SUMF1: variants seen among roughly 807,000 people sequenced by gnomAD.
The protein encoded by SUMF1 is formylglycine-generating enzyme.
A neutral mutation model predicts 47.6 loss-of-function variants in SUMF1; 48 were observed. The ratio of observed to expected loss-of-function variants is 1.01; its 90% CI spans 0.80 to 1.28. SUMF1 has a LOEUF of 1.28. Among genes scored for constraint, SUMF1 ranks in the 50% most tolerant of loss-of-function variants. The probability of loss-of-function intolerance (pLI) is 0.00; values close to 1 mark genes in which losing one functional copy is unlikely to be tolerated. For missense variants in SUMF1, 571 were observed against 485.4 expected (o/e 1.18, Z -1.66); for synonymous variants, 230 against 192.1 (o/e 1.20, Z -1.63).
intron 8 of SUMF1, among the ~76,000 whole-genome samples, chr3:4,119,576 G>A (rs962763769): frequency 1.3e-5 from 2 of 152,086 alleles, no homozygotes; most frequent in African/African-American, 4.8e-5. Flanking sequence ...TTACTGAAAT[G>A]TCACATTGTC....
At chr3:4,148,361 T>C (rs1694242681) in intron 8 of SUMF1, among the ~76,000 whole-genome samples, 1 of 152,188 alleles carries the variant, frequency 6.6e-6, no homozygotes, top group Admixed American at 6.5e-5. Flanking sequence ...GTTCTTTGCT[T>C]CAGTTTAGTA....
intron 8 of SUMF1, among the ~76,000 whole-genome samples, chr3:4,251,654 A>G (rs751253225): frequency 5.9e-5 from 9 of 152,196 alleles, no homozygotes; most frequent in African/African-American, 9.7e-5. Flanking sequence ...CAGACAGTCA[A>G]TCCTTTGAAG....
intron 3 of SUMF1, 103 bp from the exon 4 acceptor site, chr3:4,420,249 T>G: frequency 1.2e-6 from 1 of 833,684 alleles, no homozygotes; most frequent in Non-Finnish European, 2.1e-6. Context: ...TCAACTTCCA[T>G]TTGGATTACC....
intron 8 of SUMF1, among the ~76,000 whole-genome samples, chr3:4,181,026 G>A (rs543827236): frequency 6.1e-4 from 93 of 152,208 alleles, no homozygotes; most frequent in Admixed American, 2.2e-3. Flanking sequence ...CAAGTAGCTG[G>A]AGTAAAAATG....
chr3:4,065,561 C>T (rs1308497863), intron 9 of SUMF1, among the ~76,000 whole-genome samples: 2 of 152,040 alleles, frequency 1.3e-5, no homozygotes, highest in African/African-American at 2.4e-5. Flanking sequence ...TTACGCTGAA[C>T]AAAGCATTCA....
intron 7 of SUMF1, among the ~76,000 whole-genome samples, chr3:4,376,703 C>T (rs1700340813): frequency 6.6e-6 from 1 of 152,234 alleles, no homozygotes; most frequent in African/African-American, 2.4e-5. Flanking sequence ...CTTGGCTGCA[C>T]CTCTTACCAT....
At chr3:4,094,136 T>C (rs116766778) in intron 8 of SUMF1, among the ~76,000 whole-genome samples, 1 of 152,132 alleles carries the variant, frequency 6.6e-6, no homozygotes, top group African/African-American at 2.4e-5. Flanking sequence ...TAGGTCATGA[T>C]GAAATGACCT....
chr3:4,052,227 C>T (rs1468891769), intron 9 of SUMF1, among the ~76,000 whole-genome samples: 1 of 152,140 alleles, frequency 6.6e-6, no homozygotes, highest in African/African-American at 2.4e-5. Flanking sequence ...AGGCAGCTCT[C>T]TTTGGTCTCT....
At chr3:4,264,301 G>A (rs1474151946) in intron 8 of SUMF1, among the ~76,000 whole-genome samples, 1 of 152,142 alleles carries the variant, frequency 6.6e-6, no homozygotes, top group East Asian at 1.9e-4. Context: ...CCAGAGCCTG[G>A]AGCTAATGAG....
chr3:4,199,208 G>A (rs1276161279), intron 8 of SUMF1, among the ~76,000 whole-genome samples: 1 of 152,020 alleles, frequency 6.6e-6, no homozygotes, highest in Non-Finnish European at 1.5e-5. Context: ...CTATAGTTCT[G>A]TCTTTTCCAG....
intron 9 of SUMF1, among the ~76,000 whole-genome samples, chr3:4,053,052 T>C (rs1039460518): frequency 6.6e-6 from 1 of 152,200 alleles, no homozygotes. Context: ...CATACCTTCC[T>C]CACTAAGCTT....
At chr3:4,297,185 T>G (rs558827365) in intron 8 of SUMF1, among the ~76,000 whole-genome samples, 1 of 151,542 alleles carries the variant, frequency 6.6e-6, no homozygotes, top group Non-Finnish European at 1.5e-5. Context: ...AGGAGATCAC[T>G]GTGTAATATA....
intron 8 of SUMF1, among the ~76,000 whole-genome samples, chr3:4,238,441 G>A (rs1399453486): frequency 2.0e-5 from 3 of 152,092 alleles, no homozygotes; most frequent in Non-Finnish European, 4.4e-5. Context: ...AGCATCTGTT[G>A]TTTCCTGACT....
chr3:4,446,008 T>C (rs1414875336), intron 3 of SUMF1, among the ~76,000 whole-genome samples: 1 of 152,236 alleles, frequency 6.6e-6, no homozygotes, highest in Non-Finnish European at 1.5e-5. Context: ...AACCAATTCA[T>C]TATCTTAAAA....
intron 8 of SUMF1, among the ~76,000 whole-genome samples, chr3:4,170,267 T>C (rs754356999): frequency 8.5e-5 from 13 of 152,256 alleles, no homozygotes; most frequent in Non-Finnish European, 1.9e-4. Flanking sequence ...AGTGGGAAAA[T>C]GATCTATATC....
At chr3:4,330,447 G>A (rs1041465264) in intron 8 of SUMF1, among the ~76,000 whole-genome samples, 10 of 152,318 alleles carry the variant, frequency 6.6e-5, no homozygotes, top group Non-Finnish European at 1.2e-4. Flanking sequence ...GACCATGCAC[G>A]TCTTACATGG....
intron 8 of SUMF1, chr3:4,317,384 T>A: frequency 1.5e-6 from 1 of 675,090 alleles, no homozygotes; most frequent in Non-Finnish European, 2.4e-6. Flanking sequence ...CGGACTTTAT[T>A]AAGAATGTAG....
chr3:4,212,217 A>C (rs1695815115), intron 8 of SUMF1, among the ~76,000 whole-genome samples: 1 of 152,086 alleles, frequency 6.6e-6, no homozygotes, highest in South Asian at 2.1e-4. Context: ...TCTGGGACAA[A>C]ACTTCCAGAG....
intron 3 of SUMF1, among the ~76,000 whole-genome samples, chr3:4,434,718 A>T (rs1252104042): frequency 6.6e-6 from 1 of 152,174 alleles, no homozygotes; most frequent in African/African-American, 2.4e-5. Context: ...TTGTGCTGGC[A>T]TGAAAAAAAT....
Sources: gnomAD v4.1 joint callset for allele counts (sites outside exome capture counted in the v4.1 genomes callset) on GRCh38, gnomAD v4.1.1 for gene constraint, MANE v1.5 for transcripts, NCBI Gene and HGNC (gene_info 2026-07-23, HGNC 2026-07-21) for gene names.